The following TOM1 variants were observed in gnomAD, a reference collection of about 807,000 sequenced individuals.
TOM1 encodes target of myb1 membrane trafficking protein.
A neutral mutation model predicts 61.3 loss-of-function variants in TOM1; 38 were observed. The observed-to-expected ratio is 0.62, with a 90% CI of 0.48 to 0.81. TOM1 has a LOEUF of 0.81. Among genes scored for constraint, TOM1 ranks in the 40% least tolerant of loss-of-function variants. The pLI is 0.00. For synonymous variants in TOM1, 270 were observed against 268.8 expected (o/e 1.00, Z -0.04); for missense variants, 591 against 659.6 (o/e 0.90, Z 1.14).
intron 2 of TOM1, among the ~76,000 whole-genome samples, chr22:35,320,255 G>T (rs923007993): frequency 6.6e-6 from 1 of 152,212 alleles, no homozygotes; most frequent in African/African-American, 2.4e-5. Context: ...TTTAGCTGAG[G>T]CTTCACCTCA....
At chr22:35,328,700 G>A (rs565074738) in intron 7 of TOM1, among the ~76,000 whole-genome samples, 22 of 152,318 alleles carry the variant, frequency 1.4e-4, no homozygotes, top group Non-Finnish European at 2.1e-4. Context: ...AGGAAATCCC[G>A]GAGGCCTGAC....
intron 8 of TOM1, chr22:35,331,580 G>A (rs955361210): frequency 3.9e-6 from 1 of 257,204 alleles, no homozygotes; most frequent in Admixed American, 5.2e-5. Flanking sequence ...GTACTTAGGT[G>A]CTATTACAAA....
intron 7 of TOM1, 103 bp downstream of exon 7, chr22:35,327,490 A>G: frequency 1.2e-6 from 1 of 809,596 alleles, no homozygotes; most frequent in Non-Finnish European, 2.0e-6. Flanking sequence ...CTTACTCCAT[A>G]CTCCTTGGTC....
rs1345071397 is a variant in TOM1 at position 35,347,043 on chromosome 22, C to T, written c.1325-12C>T. ...CCTCAGGGCCTACCCTCACCCTCTC[C>T]CCTTCCTCTAGAATTTGACAAATTC... On this transcript the variant is annotated splice_polypyrimidine_tract_variant and intron_variant, in intron 14 of 14. Coordinates refer to ENST00000449058, the MANE Select transcript of TOM1 (RefSeq NM_005488.3). 10 of 1,610,946 alleles carry T rather than the reference C, an allele frequency of 6.2e-6. No homozygotes were observed. The highest frequency in any genetic ancestry group is 1.1e-5 in the South Asian group (1 of 90,878).
At chr22:35,308,127 C>G (rs1402008666) in intron 1 of TOM1, among the ~76,000 whole-genome samples, 1 of 152,106 alleles carries the variant, frequency 6.6e-6, no homozygotes, top group Non-Finnish European at 1.5e-5. Context: ...TCCTGGATCT[C>G]CAGCCTGCCA....
intron 11 of TOM1, chr22:35,335,562 C>A (rs1361694454): frequency 6.5e-6 from 1 of 153,162 alleles, no homozygotes. Context: ...ACACGCCCAT[C>A]CACAGAGGCC....
Position 35,330,389 on chromosome 22 carries a change from G to C in TOM1, c.808G>C (p.Glu270Gln). 6 of 1,613,582 alleles carry C rather than the reference G, an allele frequency of 3.7e-6. No homozygotes were observed. Among genetic ancestry groups the C allele is most frequent in the Non-Finnish European group, 5.1e-6 (6 of 1,179,846 alleles). ...CCGAGCCATGCAGCAGCGGGTCCTGGAGCTCATCCCTCAGATCGCCAATGA... is the reference window on the plus strand; with the variant it reads ...CCGAGCCATGCAGCAGCGGGTCCTGCAGCTCATCCCTCAGATCGCCAATGA... ...TCRAMQQRVL[E>Q]LIPQIANEQL... The change falls in exon 8 of 15, where the codon GAG becomes CAG. Residue 270 changes from glutamate to glutamine, a missense_variant. By Grantham distance (29) the Glu-to-Gln change is conservative. Coordinates refer to ENST00000449058, the MANE Select transcript of TOM1 (RefSeq NM_005488.3).
At chr22:35,336,458 T>C (rs1046481256) in intron 11 of TOM1, among the ~76,000 whole-genome samples, 24 of 152,224 alleles carry the variant, frequency 1.6e-4, no homozygotes, top group African/African-American at 5.8e-4. Context: ...TCAGCCGCTG[T>C]TTCTGCTCCA....
intron 12 of TOM1, 111 bp downstream of exon 12, chr22:35,338,899 C>T (rs1313218244): frequency 9.9e-7 from 1 of 1,009,122 alleles, no homozygotes; most frequent in Admixed American, 3.4e-5. Context: ...CGTCCACAGG[C>T]CCTTCCTCGT....
intron 12 of TOM1, among the ~76,000 whole-genome samples, chr22:35,339,903 CA>C (rs35896033): frequency 0.48 from 67,086 of 138,350 alleles, 17,611 homozygotes; most frequent in Non-Finnish European, 0.62. Flanking sequence ...GACTCCGTCT[CA>C]AAAAAAAAAA....
chr22:35,347,139 G>C lies in TOM1; in HGVS notation c.1409G>C (p.Gly470Ala), dbSNP rs369281525. The part of the protein sequence containing the change: ...LSSPSAEGPP[G>A]PPSGPAPRKK... ...AGCCCCTCAGCTGAGGGGCCCCCGG[G>C]TCCCCCATCTGGCCCAGCGCCCCGG... The change falls in exon 15 of 15, where the codon GGT becomes GCT. Residue 470 changes from glycine to alanine, a missense_variant. Gly to Ala is a moderately conservative substitution (Grantham distance 60, BLOSUM62 0). Coordinates refer to ENST00000449058, the MANE Select transcript of TOM1 (RefSeq NM_005488.3). 1 of 1,613,462 alleles carries C rather than the reference G, an allele frequency of 6.2e-7. No individual in the cohort carries two copies. Among genetic ancestry groups the C allele is most frequent in the African/African-American group, 1.3e-5 (1 of 74,898 alleles).
intron 8 of TOM1, chr22:35,331,570 G>A (rs758658028): frequency 1.9e-4 from 53 of 276,542 alleles, no homozygotes; most frequent in Non-Finnish European, 3.7e-4. Context: ...CCTCTAAAGA[G>A]TACTTAGGTG....
At chr22:35,320,044 G>C (rs1031636972) in intron 2 of TOM1, among the ~76,000 whole-genome samples, 5 of 152,234 alleles carry the variant, frequency 3.3e-5, no homozygotes, top group African/African-American at 1.2e-4. Context: ...GGTCCCAGTG[G>C]CCACTGGCCA....
rs1458068443 is a variant in TOM1, at chr22:35,338,726, G to GC, written c.1168dup (p.Gln390ProfsTer38). ...TCTCTCTTTCAGGGTAAAATACGAA[G>GC]CCCCCCAAGCAACAGACGGCCTGGC... On this transcript the variant is annotated frameshift_variant, in exon 12 of 15. Transcript: ENST00000449058. LOFTEE classifies it high-confidence loss of function. 1.3e-6 allele frequency: 2 copies of GC among 1,592,134 alleles called. No individual in the cohort carries two copies. Among genetic ancestry groups the GC allele is most frequent in the African/African-American group, 1.3e-5 (1 of 74,470 alleles).
intron 8 of TOM1, among the ~76,000 whole-genome samples, chr22:35,330,917 T>C (rs1928785069): frequency 6.6e-6 from 1 of 152,216 alleles, no homozygotes; most frequent in Non-Finnish European, 1.5e-5. Context: ...CTTTATTAAA[T>C]GGGTAGCTTT....
intron 8 of TOM1, among the ~76,000 whole-genome samples, chr22:35,332,597 CACACACACAT>C (rs36202473): frequency 0.56 from 82,531 of 148,434 alleles, 22,712 homozygotes; most frequent in Non-Finnish European, 0.58. Flanking sequence ...CACACACACA[CACACACACAT>C]ACACACACAC....
At chr22:35,334,564 C>T (rs978933217) in intron 11 of TOM1, 116 bp downstream of exon 11, 3 of 1,305,962 alleles carry the variant, frequency 2.3e-6, no homozygotes, top group Non-Finnish European at 3.2e-6. Context: ...GCTTAGTAAG[C>T]ACGCCCTTAG....
chr22:35,342,780 ACCACACACACCT>A lies in TOM1; in HGVS notation c.1225-2932_1225-2921del, dbSNP rs202068808. On this transcript the variant is annotated intron_variant, in intron 12 of 14. Coordinates refer to ENST00000449058, the MANE Select transcript of TOM1 (RefSeq NM_005488.3). ...ACACACCACACACACATCTACACCC[ACCACACACACCT>A]CCACACACACCTACACTCATACACC... Among the ~76,000 whole-genome samples, 127 of 148,194 alleles carry A rather than the reference ACCACACACACCT, an allele frequency of 8.6e-4. 1 individual carries two copies. In the East Asian group the frequency reaches 0.017, roughly 19 times the overall value.
intron 12 of TOM1, among the ~76,000 whole-genome samples, chr22:35,340,856 C>G (rs1436413323): frequency 2.6e-5 from 4 of 152,224 alleles, no homozygotes; most frequent in Non-Finnish European, 5.9e-5. Context: ...TCCTGGGTCT[C>G]CCAGCATCTC....
Sources: gnomAD v4.1 joint callset for allele counts (sites outside exome capture counted in the v4.1 genomes callset) on GRCh38, gnomAD v4.1.1 for gene constraint, MANE v1.5 for transcripts, NCBI Gene and HGNC (gene_info 2026-07-23, HGNC 2026-07-21) for gene names.